ATP10B: variants seen among roughly 807,000 people sequenced by gnomAD.
ATP10B encodes ATPase phospholipid transporting 10B (putative), also known as phospholipid-transporting ATPase VB.
In ATP10B, 122 loss-of-function variants were observed where a neutral mutation model predicts 141.2. The ratio of observed to expected loss-of-function variants is 0.86; its 90% CI spans 0.75 to 1.00. The LOEUF (loss-of-function observed/expected upper bound fraction) is 1.00, where lower values mean the gene tolerates loss of function less well. ATP10B is among the 50% of genes least tolerant of loss of function. The pLI is 0.00. For missense variants in ATP10B, 1,876 were observed against 1,825.3 expected (o/e 1.03, Z -0.51); for synonymous variants, 685 against 692.0 (o/e 0.99, Z 0.16).
chr5:160,637,655 TCA>T (rs1759520245), intron 10 of ATP10B, among the ~76,000 whole-genome samples: 1 of 152,224 alleles, frequency 6.6e-6, no homozygotes, highest in South Asian at 2.1e-4. Context: ...TCACTAAATC[TCA>T]GTGTTCTTGT....
At chr5:160,570,174 TTTTA>T (rs1303248033) in intron 24 of ATP10B, among the ~76,000 whole-genome samples, 1 of 152,288 alleles carries the variant, frequency 6.6e-6, no homozygotes, top group African/African-American at 2.4e-5. Context: ...TGTCTTTTAT[TTTTA>T]TTTAATTTTA....
At chr5:160,644,269 G>T (rs1299862550) in intron 8 of ATP10B, 25 bp from the exon 9 acceptor site, 2 of 1,586,098 alleles carry the variant, frequency 1.3e-6, no homozygotes, top group Non-Finnish European at 8.7e-7. Flanking sequence ...TAAAAGACAG[G>T]GGGTGGTTTG....
chr5:160,787,998 G>A (rs1169291558), intron 1 of ATP10B, among the ~76,000 whole-genome samples: 1 of 152,108 alleles, frequency 6.6e-6, no homozygotes, highest in Non-Finnish European at 1.5e-5. Flanking sequence ...ATGGTTAGAT[G>A]GGGTAAAGTT....
chr5:160,799,129 TTC>T (rs1387996814), intron 1 of ATP10B, among the ~76,000 whole-genome samples: 1 of 152,160 alleles, frequency 6.6e-6, no homozygotes, highest in African/African-American at 2.4e-5. Context: ...GATTTTTTTT[TTC>T]AGGTTTGTGT....
chr5:160,620,079 A>C (rs1473435832), intron 15 of ATP10B, among the ~76,000 whole-genome samples: 1 of 152,228 alleles, frequency 6.6e-6, no homozygotes, highest in Non-Finnish European at 1.5e-5. Context: ...TGAGTTTGGA[A>C]AACTGGGATG....
upstream of ATP10B, among the ~76,000 whole-genome samples, chr5:160,853,782 AATAG>A (rs1342752723): frequency 6.6e-6 from 1 of 152,164 alleles, no homozygotes; most frequent in African/African-American, 2.4e-5. Context: ...ATAAACAAAT[AATAG>A]ATAAGAAATG....
the ATP10B span, among the ~76,000 whole-genome samples, chr5:160,876,342 A>G: frequency 6.8e-6 from 1 of 146,644 alleles, no homozygotes; most frequent in Admixed American, 6.9e-5. Context: ...ACCAACGAGA[A>G]CAAAGACACA....
At chr5:160,670,767 A>G (rs950212814) in intron 6 of ATP10B, 100 bp from the exon 7 acceptor site, 10 of 1,050,014 alleles carry the variant, frequency 9.5e-6, no homozygotes, top group Non-Finnish European at 1.4e-5. Flanking sequence ...ACTATCCACC[A>G]AGTCAGCCTG....
chr5:160,911,979 A>G, the ATP10B span, among the ~76,000 whole-genome samples: 478 of 152,318 alleles, frequency 3.1e-3, 4 homozygotes, highest in African/African-American at 0.011. Context: ...AAATATTTAA[A>G]TAAACACTTT....
intron 2 of ATP10B, among the ~76,000 whole-genome samples, chr5:160,753,581 A>C (rs567280445): frequency 1.3e-5 from 2 of 152,316 alleles, no homozygotes; most frequent in Admixed American, 6.5e-5. Context: ...GGAAATTCTT[A>C]AGGGGCTGCA....
rs1012574863 is a variant in ATP10B, at chr5:160,812,028, G to C, written c.-575-26225C>G. On this transcript the variant is annotated intron_variant, in intron 1 of 25. Coordinates refer to ENST00000327245, the MANE Select transcript of ATP10B (RefSeq NM_025153.3). ...AGAGACAGAGACAGAGACAGAGAGA[G>C]AGAGAGAGAGAGAGAGAGAGAGAGA... Among the ~76,000 whole-genome samples the C allele has an allele frequency of 5.0e-4, 36 of 72,166 alleles. 1 individual carries two copies. The highest frequency in any genetic ancestry group is 4.4e-3 in the East Asian group (9 of 2,032). 47.3% of individuals were successfully genotyped at this position (72,166 alleles called of 152,430 possible). A position where few individuals can be genotyped will look rare whatever the true frequency, so the allele number is the denominator to read the frequency against.
chr5:160,870,735 A>G, the ATP10B span, among the ~76,000 whole-genome samples: 1 of 148,142 alleles, frequency 6.8e-6, no homozygotes, highest in African/African-American at 2.5e-5. Flanking sequence ...ACCAGGAGAA[A>G]TGCCAAAAAA....
the ATP10B span, among the ~76,000 whole-genome samples, chr5:160,921,801 C>A: frequency 6.6e-6 from 1 of 152,338 alleles, no homozygotes; most frequent in East Asian, 1.9e-4. Flanking sequence ...GCTGTGTGCC[C>A]AAATGACCTT....
At chr5:160,912,809 A>C in the ATP10B span, among the ~76,000 whole-genome samples, 3 of 152,208 alleles carry the variant, frequency 2.0e-5, no homozygotes, top group Non-Finnish European at 4.4e-5. Context: ...GGGGCTGTCT[A>C]TCTGGCATGC....
intron 3 of ATP10B, among the ~76,000 whole-genome samples, chr5:160,714,768 G>A (rs999094425): frequency 2.2e-5 from 3 of 134,424 alleles, no homozygotes; most frequent in African/African-American, 8.7e-5. Context: ...GGTCTTTGAT[G>A]ATGGTGATGT....
chr5:160,733,454 G>A (rs1011694442), intron 2 of ATP10B, among the ~76,000 whole-genome samples: 9 of 152,112 alleles, frequency 5.9e-5, no homozygotes, highest in South Asian at 4.2e-4. Flanking sequence ...GATTCAAGAT[G>A]TTCAATAAAT....
the ATP10B span, among the ~76,000 whole-genome samples, chr5:160,857,573 C>G: frequency 2.6e-5 from 4 of 151,424 alleles, no homozygotes; most frequent in East Asian, 7.8e-4. Flanking sequence ...TTTTTATCTT[C>G]TTTTTCTATA....
In ATP10B at chr5:160,670,654, A is replaced by G; in HGVS notation, c.484T>C (p.Tyr162His). The change falls in exon 7 of 26, where the codon TAT (tyrosine) becomes CAT (histidine). Residue 162 changes from tyrosine to histidine, a missense_variant. Physicochemically the swap from Tyr to His is moderately conservative, Grantham distance 83 (BLOSUM62 2). Transcript: ENST00000327245. Reference protein sequence around the residue: ...IRIYERKEQTYVQKCWKDVRV... With the variant: ...IRIYERKEQTHVQKCWKDVRV... ...ACATCCTTCCAGCACTTCTGCACAT[A>G]GGTCTGCTCTTTTCTTGGGTGAGAG... 6.2e-7 allele frequency: 1 copy of G among 1,613,472 alleles called. No individual in the cohort carries two copies. Among genetic ancestry groups the G allele is most frequent in the Non-Finnish European group, 8.5e-7 (1 of 1,179,768 alleles).
chr5:160,795,410 ATC>A (rs1355949914), intron 1 of ATP10B, among the ~76,000 whole-genome samples: 2 of 152,082 alleles, frequency 1.3e-5, no homozygotes, highest in African/African-American at 4.8e-5. Context: ...GTCATTTCCC[ATC>A]TCTGTCCTAA....
Sources: gnomAD v4.1 joint callset for allele counts (sites outside exome capture counted in the v4.1 genomes callset) on GRCh38, gnomAD v4.1.1 for gene constraint, MANE v1.5 for transcripts, NCBI Gene and HGNC (gene_info 2026-07-23, HGNC 2026-07-21) for gene names.